The following DYM variants were observed in gnomAD, a reference collection of about 807,000 sequenced individuals.
DYM encodes dymeclin, also known as dyggve-Melchior-Clausen syndrome protein.
In DYM, 78 loss-of-function variants were observed where a neutral mutation model predicts 93.1. The ratio of observed to expected loss-of-function variants is 0.84; its 90% CI spans 0.70 to 1.01. The LOEUF (loss-of-function observed/expected upper bound fraction) is 1.01. Among genes scored for constraint, DYM ranks in the 50% least tolerant of loss-of-function variants. The probability of loss-of-function intolerance (pLI) is 0.00; values close to 1 mark genes in which losing one functional copy is unlikely to be tolerated. For synonymous variants in DYM, 321 were observed against 319.7 expected (o/e 1.00, Z -0.04); for missense variants, 789 against 845.0 (o/e 0.93, Z 0.82).
At chr18:49,211,254 T>C (rs1488678894) in intron 13 of DYM, among the ~76,000 whole-genome samples, 1 of 152,116 alleles carries the variant, frequency 6.6e-6, no homozygotes, top group African/African-American at 2.4e-5. Flanking sequence ...GATTTTAAAG[T>C]GATATTACAA....
chr18:49,225,469 C>T (rs960965352), intron 13 of DYM, among the ~76,000 whole-genome samples: 2 of 152,034 alleles, frequency 1.3e-5, no homozygotes, highest in African/African-American at 2.4e-5. Flanking sequence ...TTGAAGGGAA[C>T]AATCTAGTAC....
chr18:49,234,083 C>T (rs1052579647), intron 13 of DYM, among the ~76,000 whole-genome samples: 3 of 151,986 alleles, frequency 2.0e-5, no homozygotes, highest in African/African-American at 4.8e-5. Flanking sequence ...GAGCCGTGAT[C>T]GCACCACTGC....
intron 9 of DYM, among the ~76,000 whole-genome samples, chr18:49,285,729 A>G (rs984350175): frequency 6.6e-6 from 1 of 152,238 alleles, no homozygotes; most frequent in East Asian, 1.9e-4. Context: ...CCTGCTGTTG[A>G]GCAGCACTTG....
intron 13 of DYM, among the ~76,000 whole-genome samples, chr18:49,240,933 G>T (rs2093995073): frequency 6.6e-6 from 1 of 152,186 alleles, no homozygotes; most frequent in Admixed American, 6.5e-5. Context: ...AGTGAAGATG[G>T]TTTTTATTTT....
At chr18:49,252,239 A>AAAAAAAAAAAAAAAAAAAAT (rs2094306275) in intron 13 of DYM, among the ~76,000 whole-genome samples, 1 of 147,976 alleles carries the variant, frequency 6.8e-6, no homozygotes, top group African/African-American at 2.5e-5. Flanking sequence ...AAAAAAAAAA[A>AAAAAAAAAAAAAAAAAAAAT]AAAGAACTGC....
chr18:49,213,460 C>T (rs141012051), intron 13 of DYM, among the ~76,000 whole-genome samples: 12 of 152,028 alleles, frequency 7.9e-5, no homozygotes, highest in Non-Finnish European at 1.8e-4. Flanking sequence ...GGACTACAGG[C>T]GCATGCCACC....
At chr18:49,097,986 C>G (rs1386977495) in intron 16 of DYM, among the ~76,000 whole-genome samples, 1 of 150,794 alleles carries the variant, frequency 6.6e-6, no homozygotes, top group African/African-American at 2.4e-5. Context: ...ATGAATTTAG[C>G]CACATTTCCC....
At chr18:49,268,487 T>C (rs1055321465) in intron 11 of DYM, among the ~76,000 whole-genome samples, 4 of 152,240 alleles carry the variant, frequency 2.6e-5, no homozygotes, top group African/African-American at 9.6e-5. Context: ...AATTCTCTGC[T>C]AACTTGAAAG....
chr18:49,264,403 C>A (rs1250458889), intron 11 of DYM, among the ~76,000 whole-genome samples: 3 of 152,084 alleles, frequency 2.0e-5, no homozygotes, highest in Non-Finnish European at 2.9e-5. Context: ...AGTGGTTCTA[C>A]CAATTTATAC....
intron 17 of DYM, among the ~76,000 whole-genome samples, chr18:49,046,219 T>G (rs1400327739): frequency 9.5e-6 from 1 of 105,258 alleles, no homozygotes; most frequent in Admixed American, 9.9e-5. Flanking sequence ...CACCACAGAC[T>G]CACACACATA....
intron 11 of DYM, among the ~76,000 whole-genome samples, chr18:49,258,950 C>T (rs1375958140): frequency 7.0e-6 from 1 of 143,832 alleles, no homozygotes; most frequent in East Asian, 2.0e-4. Context: ...TCTGGGCTGC[C>T]CCAAAGAAAG....
At position 49,038,455 on chromosome 18, in the gene DYM, TTTAC is replaced by T. The variant is rs1243783925; in HGVS notation, c.*5596_*5599del. 6.6e-6 allele frequency among the ~76,000 whole-genome samples: 1 copy of T among 152,112 alleles called. No homozygotes were observed. Among genetic ancestry groups the T allele is most frequent in the African/African-American group, 2.4e-5 (1 of 41,424 alleles). ...TCTTAAAAAAATTATTGCCTTAAAG[TTTAC>T]TTAAATATATCTACACCAGTTTCCT... is the stretch of plus-strand genomic sequence containing the variant. On this transcript the variant is annotated 3_prime_UTR_variant, in exon 18 of 18. Coordinates refer to ENST00000675505, the MANE Select transcript of DYM (RefSeq NM_001353214.3).
chr18:49,192,095 ATTTTTTTTTTTTTT>A (rs55967928), intron 14 of DYM, among the ~76,000 whole-genome samples: 9 of 68,290 alleles, frequency 1.3e-4, no homozygotes, highest in Non-Finnish European at 2.5e-4. Flanking sequence ...TGCCTGGCTA[ATTTTTTTTTTTTTT>A]TTTTTTTTTT....
chr18:49,426,160 T>C (rs534188622), intron 2 of DYM, among the ~76,000 whole-genome samples: 6 of 152,152 alleles, frequency 3.9e-5, no homozygotes, highest in Non-Finnish European at 8.8e-5. Flanking sequence ...TGTCCATCGA[T>C]GATAGACTGG....
intron 6 of DYM, among the ~76,000 whole-genome samples, chr18:49,342,353 T>C (rs757832059): frequency 2.6e-5 from 4 of 152,194 alleles, no homozygotes; most frequent in Non-Finnish European, 5.9e-5. Flanking sequence ...GGATAATGAA[T>C]GACAGTCTCT....
intron 14 of DYM, among the ~76,000 whole-genome samples, chr18:49,207,047 T>G (rs1275299069): frequency 6.6e-6 from 1 of 152,160 alleles, no homozygotes; most frequent in African/African-American, 2.4e-5. Context: ...TTTTTAAACT[T>G]TTGTTTTTCC....
At chr18:49,066,515 T>G (rs75864278) in intron 17 of DYM, among the ~76,000 whole-genome samples, 8,808 of 152,288 alleles carry the variant, frequency 0.058, 482 homozygotes, top group East Asian at 0.27. Context: ...ATTCTACCAC[T>G]GATGGACACT....
At chr18:49,105,885 C>T (rs541740432) in intron 16 of DYM, among the ~76,000 whole-genome samples, 34 of 152,218 alleles carry the variant, frequency 2.2e-4, no homozygotes, top group Non-Finnish European at 4.3e-4. Context: ...GTATATTCTG[C>T]TGATTTGGGG....
At chr18:49,053,396 ACT>A (rs372991116) in intron 17 of DYM, among the ~76,000 whole-genome samples, 3 of 152,240 alleles carry the variant, frequency 2.0e-5, no homozygotes, top group South Asian at 4.1e-4. Context: ...AGCATCAGAA[ACT>A]CTAGCAAGCA....
Sources: gnomAD v4.1 joint callset for allele counts (sites outside exome capture counted in the v4.1 genomes callset) on GRCh38, gnomAD v4.1.1 for gene constraint, MANE v1.5 for transcripts, NCBI Gene and HGNC (gene_info 2026-07-23, HGNC 2026-07-21) for gene names.